Variants in TM9SF3 observed in about 807,000 individuals in gnomAD.
TM9SF3 encodes transmembrane 9 superfamily member 3, also known as SM-11044-binding protein.
A neutral mutation model predicts 78.6 loss-of-function variants in TM9SF3; 14 were observed. The observed-to-expected ratio is 0.18, with a 90% confidence interval of 0.12 to 0.28. The LOEUF is 0.28. TM9SF3 is among the 10% of genes least tolerant of loss of function. TM9SF3 has a pLI of 1.00. For missense variants in TM9SF3, 496 were observed against 721.9 expected, an observed-to-expected ratio of 0.69 and a Z score of 3.59; for synonymous variants, 231 against 241.7, an observed-to-expected ratio of 0.96 and a Z score of 0.41.
chr10:96,551,169 T>C, intron 7 of TM9SF3, 76 bp downstream of exon 7: 1 of 1,205,766 alleles, frequency 8.3e-7, no homozygotes, highest in Non-Finnish European at 1.1e-6. Flanking sequence ...TTAATTATGA[T>C]TGACTTAAAA....
At chr10:96,527,703 C>G (rs1227928897) in intron 12 of TM9SF3, among the ~76,000 whole-genome samples, 1 of 151,974 alleles carries the variant, frequency 6.6e-6, no homozygotes, top group Non-Finnish European at 1.5e-5. Context: ...TGTCAGATTC[C>G]CTATTACCAG....
chr10:96,537,367 T>C (rs528907548), intron 9 of TM9SF3, among the ~76,000 whole-genome samples: 1 of 152,338 alleles, frequency 6.6e-6, no homozygotes, highest in African/African-American at 2.4e-5. Context: ...CCTTGTAAGA[T>C]TAGGCTATAA....
At chr10:96,555,561 C>A (rs1256229946) in intron 5 of TM9SF3, among the ~76,000 whole-genome samples, 1 of 152,180 alleles carries the variant, frequency 6.6e-6, no homozygotes, top group African/African-American at 2.4e-5. Flanking sequence ...AACTGAAGGG[C>A]AGTCCAGGCT....
intron 5 of TM9SF3, among the ~76,000 whole-genome samples, chr10:96,558,370 GGTGGCTCACGCCT>G (rs1459633161): frequency 6.6e-6 from 1 of 152,060 alleles, no homozygotes; most frequent in African/African-American, 2.4e-5. Context: ...GGCAGGGCGC[GGTGGCTCACGCCT>G]GTAATCTCAG....
At chr10:96,584,470 T>C (rs1848607635) in intron 1 of TM9SF3, among the ~76,000 whole-genome samples, 1 of 152,234 alleles carries the variant, frequency 6.6e-6, no homozygotes, top group South Asian at 2.1e-4. Flanking sequence ...TATTTTTAGA[T>C]GCTATTCTTC....
At chr10:96,560,696 T>C in intron 4 of TM9SF3, 1 of 586,506 alleles carries the variant, frequency 1.7e-6, no homozygotes, top group Non-Finnish European at 3.3e-6. Flanking sequence ...ACGATTTTGA[T>C]GAGGAAACTA....
chr10:96,569,961 T>C (rs1848421500), intron 2 of TM9SF3, among the ~76,000 whole-genome samples: 1 of 152,012 alleles, frequency 6.6e-6, no homozygotes, highest in Non-Finnish European at 1.5e-5. Context: ...GAGGTTGCAG[T>C]GAGCCAAGAT....
At position 96,527,513 on chromosome 10, in the gene TM9SF3, G is replaced by T; in HGVS notation, c.1542-17C>A. 6.3e-7 allele frequency: 1 copy of T among 1,580,522 alleles called. No individual in the cohort carries two copies. Among genetic ancestry groups the T allele is most frequent in the South Asian group, 1.1e-5 (1 of 87,520 alleles). ...GTCCATTGCCTGGTGGGGGGAGGGG[G>T]AAAGAAGATAAATCTCTTTTGAATG... On this transcript the variant is annotated splice_polypyrimidine_tract_variant and intron_variant, in intron 12 of 14. Coordinates refer to ENST00000371142, the MANE Select transcript of TM9SF3 (RefSeq NM_020123.4).
intron 13 of TM9SF3, 49 bp from the exon 14 acceptor site, chr10:96,527,338 T>C (rs192521556): frequency 1.1e-5 from 18 of 1,587,232 alleles, no homozygotes; most frequent in Non-Finnish European, 1.6e-5. Flanking sequence ...ACTTTCAACT[T>C]AAGGCCTTAA....
At chr10:96,570,787 G>A (rs752432325) in intron 2 of TM9SF3, among the ~76,000 whole-genome samples, 70 of 152,196 alleles carry the variant, frequency 4.6e-4, no homozygotes, top group African/African-American at 1.4e-3. Context: ...CTCTTGTCAC[G>A]CAGGCTGGAG....
intron 2 of TM9SF3, among the ~76,000 whole-genome samples, chr10:96,575,047 A>G (rs1848481405): frequency 6.6e-6 from 1 of 151,958 alleles, no homozygotes; most frequent in Non-Finnish European, 1.5e-5. Context: ...CGTTCTGCAC[A>G]AGTACCCCAG....
chr10:96,522,748 T>C (rs867601465), intron 14 of TM9SF3, among the ~76,000 whole-genome samples: 2 of 152,006 alleles, frequency 1.3e-5, no homozygotes, highest in Middle Eastern at 6.8e-3. Context: ...TAGTTAGAAG[T>C]GACTGAAAAT....
At chr10:96,535,873 T>C (rs1316718395) in intron 9 of TM9SF3, among the ~76,000 whole-genome samples, 2 of 152,268 alleles carry the variant, frequency 1.3e-5, no homozygotes. Flanking sequence ...GCTTCCAGAC[T>C]GGCCTACAGG....
At chr10:96,578,639 C>T (rs1323421647) in intron 1 of TM9SF3, among the ~76,000 whole-genome samples, 1 of 152,202 alleles carries the variant, frequency 6.6e-6, no homozygotes, top group East Asian at 1.9e-4. Context: ...TATGCCCCCA[C>T]TCTTCCATCC....
At chr10:96,557,194 C>T (rs1230338155) in intron 5 of TM9SF3, among the ~76,000 whole-genome samples, 2 of 152,116 alleles carry the variant, frequency 1.3e-5, no homozygotes, top group African/African-American at 4.8e-5. Context: ...TCCTGAACTC[C>T]AGAACTGATA....
chr10:96,519,324 C>T lies in TM9SF3; in HGVS notation c.*2939G>A, dbSNP rs570557293. 5 of 152,022 alleles carry T rather than the reference C, an allele frequency of 3.3e-5. No individual in the cohort carries two copies. The highest frequency in any genetic ancestry group is 9.6e-5 in the African/African-American group (4 of 41,534). The allele number at this position is 152,022 out of a possible 1,614,324, so 9.4% of individuals were successfully genotyped here. A position where few individuals can be genotyped will look rare whatever the true frequency, so the allele number is the denominator to read the frequency against. ...CTCAATGGAAAACACCCAAGCATAC[C>T]ATTCACTAGGTTCGGATATCACCAT... On this transcript the variant is annotated 3_prime_UTR_variant, in exon 15 of 15. Coordinates refer to ENST00000371142, the MANE Select transcript of TM9SF3 (RefSeq NM_020123.4).
At chr10:96,555,067 T>C (rs2134146140) in intron 5 of TM9SF3, among the ~76,000 whole-genome samples, 1 of 152,084 alleles carries the variant, frequency 6.6e-6, no homozygotes, top group South Asian at 2.1e-4. Context: ...CAATTTATCC[T>C]GTAAAAAGCT....
intron 9 of TM9SF3, among the ~76,000 whole-genome samples, chr10:96,542,108 C>T (rs998660397): frequency 1.3e-5 from 2 of 152,200 alleles, no homozygotes; most frequent in African/African-American, 4.8e-5. Context: ...GTCAAGAAGT[C>T]AAACAACTAA....
At chr10:96,586,690 TG>T in intron 1 of TM9SF3, 43 bp downstream of exon 1, 1 of 1,213,364 alleles carries the variant, frequency 8.2e-7, no homozygotes, top group Non-Finnish European at 1.0e-6. Flanking sequence ...AGTGGGCAAC[TG>T]GGGAGCTAGC....
Sources: allele counts gnomAD v4.1 joint callset (sites outside exome capture counted in the v4.1 genomes callset), GRCh38; gene constraint gnomAD v4.1.1; transcripts MANE v1.5; gene names NCBI Gene and HGNC (gene_info 2026-07-23, HGNC 2026-07-21).